The following CTPS2 variants were observed in gnomAD, a reference collection of about 807,000 sequenced individuals.
CTPS2 encodes the protein CTP synthase 2.
Under a neutral mutation model 46.8 loss-of-function variants are expected in CTPS2, and 19 were observed. The ratio of observed to expected loss-of-function variants is 0.41; its 90% CI spans 0.28 to 0.60. The LOEUF (loss-of-function observed/expected upper bound fraction) is 0.60, where lower values mean the gene tolerates loss of function less well. Among genes scored for constraint, CTPS2 ranks in the 20% least tolerant of loss-of-function variants. The pLI is 0.35. For missense variants in CTPS2, 286 were observed against 447.6 expected (o/e 0.64, Z 3.26); for synonymous variants, 151 against 165.2 (o/e 0.91, Z 0.66).
At chrX:16,638,686 G>A (rs1931887419) in intron 14 of CTPS2, 3 of 217,506 alleles carry the variant, frequency 1.4e-5, no homozygotes, top group East Asian at 1.3e-4. Context: ...AGAGAAATAC[G>A]CTTCTGAGGT....
At chrX:16,698,057 C>T (rs1478717434) in intron 4 of CTPS2, among the ~76,000 whole-genome samples, 179 bp downstream of exon 4, 1 of 111,478 alleles carries the variant, frequency 9.0e-6, no homozygotes, top group Non-Finnish European at 1.9e-5. Context: ...GCCAATCTTG[C>T]CCACTCACTT....
intron 14 of CTPS2, among the ~76,000 whole-genome samples, chrX:16,631,722 T>C (rs1234448098): frequency 9.0e-6 from 1 of 111,524 alleles, no homozygotes; most frequent in Non-Finnish European, 1.9e-5. Flanking sequence ...ATCTGGGACT[T>C]GACCAAGCAA....
chrX:16,710,408 T>C (rs1569242629), intron 1 of CTPS2, among the ~76,000 whole-genome samples: 1 of 112,526 alleles, frequency 8.9e-6, no homozygotes, highest in Non-Finnish European at 1.9e-5. Context: ...CAATAAATTA[T>C]TATGCTTCTC....
chrX:16,593,340 A>G, intron 17 of CTPS2, among the ~76,000 whole-genome samples: 1 of 106,791 alleles, frequency 9.4e-6, no homozygotes, highest in African/African-American at 3.4e-5. Context: ...GAGGCAGGAG[A>G]ATGGCGTGAA....
intron 18 of CTPS2, among the ~76,000 whole-genome samples, chrX:16,590,136 A>G (rs1031039639): frequency 8.9e-6 from 1 of 112,632 alleles, no homozygotes; most frequent in Non-Finnish European, 1.9e-5. Flanking sequence ...AGCAATGGAA[A>G]AATAAGCTGC....
intron 16 of CTPS2, among the ~76,000 whole-genome samples, chrX:16,611,514 GAAATT>G (rs763283094): frequency 1.5e-4 from 12 of 81,973 alleles, no homozygotes; most frequent in African/African-American, 6.1e-4. Flanking sequence ...AATGAAAGTT[GAAATT>G]ATTAAAAAAA....
At chrX:16,697,980 G>A (rs1924255871) in intron 4 of CTPS2, among the ~76,000 whole-genome samples, 1 of 111,387 alleles carries the variant, frequency 9.0e-6, no homozygotes, top group South Asian at 3.8e-4. Context: ...TTTATCAGCA[G>A]CTGATCAGTC....
intron 13 of CTPS2, among the ~76,000 whole-genome samples, chrX:16,666,285 C>T (rs766762241): frequency 9.0e-5 from 10 of 111,477 alleles, no homozygotes; most frequent in African/African-American, 3.3e-4. Context: ...AGGCAGAAGG[C>T]AGAGGCAGGT....
chrX:16,651,187 A>T, intron 13 of CTPS2: 8 of 280,317 alleles, frequency 2.9e-5, no homozygotes, highest in Non-Finnish European at 4.3e-5. Flanking sequence ...TGATGGTGGG[A>T]GGGGAGGGAG....
intron 15 of CTPS2, among the ~76,000 whole-genome samples, chrX:16,617,826 A>G (rs998849715): frequency 8.9e-6 from 1 of 111,860 alleles, no homozygotes; most frequent in Non-Finnish European, 1.9e-5. Flanking sequence ...TCCTTCAGTG[A>G]AAGTGCTTCC....
At chrX:16,604,304 A>C (rs1929843951) in intron 17 of CTPS2, among the ~76,000 whole-genome samples, 1 of 112,565 alleles carries the variant, frequency 8.9e-6, no homozygotes, top group Admixed American at 9.4e-5. Context: ...CATTTCTGTG[A>C]ACTGCAAACT....
intron 17 of CTPS2, 107 bp downstream of exon 17, chrX:16,609,434 A>T: frequency 1.2e-6 from 1 of 817,246 alleles, no homozygotes; most frequent in Non-Finnish European, 1.8e-6. Context: ...AAAAAAACTG[A>T]TTCTTCACAT....
intron 13 of CTPS2, among the ~76,000 whole-genome samples, chrX:16,649,151 C>A (rs1313667942): frequency 8.9e-6 from 1 of 112,234 alleles, no homozygotes; most frequent in Non-Finnish European, 1.9e-5. Context: ...GAAGTATTTC[C>A]AACTGAACAA....
chrX:16,680,395 C>T (rs1175348950), intron 9 of CTPS2, among the ~76,000 whole-genome samples: 2 of 108,589 alleles, frequency 1.8e-5, no homozygotes, highest in African/African-American at 6.7e-5. Flanking sequence ...CCTGTCTCTA[C>T]TAAAAATAAC....
chrX:16,668,533 A>C (rs781453828), intron 11 of CTPS2, among the ~76,000 whole-genome samples: 1 of 106,953 alleles, frequency 9.3e-6, no homozygotes, highest in Admixed American at 1.0e-4. Flanking sequence ...TACAGTGAGC[A>C]GAGATCGCGC....
At chrX:16,682,468 G>A (rs1922826637) in intron 9 of CTPS2, among the ~76,000 whole-genome samples, 1 of 111,969 alleles carries the variant, frequency 8.9e-6, no homozygotes, top group East Asian at 2.8e-4. Flanking sequence ...CTGGGCGGCA[G>A]AGGGAGACTG....
intron 14 of CTPS2, among the ~76,000 whole-genome samples, chrX:16,633,236 A>T (rs1453899268): frequency 9.2e-6 from 1 of 108,209 alleles, no homozygotes; most frequent in African/African-American, 3.4e-5. Flanking sequence ...GGTGTATGCC[A>T]CCACACCTGG....
intron 2 of CTPS2, among the ~76,000 whole-genome samples, chrX:16,701,578 G>A (rs760826880): frequency 1.9e-5 from 2 of 107,796 alleles, no homozygotes; most frequent in South Asian, 8.4e-4. Flanking sequence ...AAAACAGGAA[G>A]ACAGGATAGC....
chrX:16,694,641 G>A (rs747595363), intron 4 of CTPS2, among the ~76,000 whole-genome samples: 1 of 112,605 alleles, frequency 8.9e-6, no homozygotes, highest in South Asian at 3.6e-4. Context: ...GGACAGAAAG[G>A]TCCTGAAATT....
Sources: gnomAD v4.1 joint callset for allele counts (sites outside exome capture counted in the v4.1 genomes callset) on GRCh38, gnomAD v4.1.1 for gene constraint, MANE v1.5 for transcripts, NCBI Gene and HGNC (gene_info 2026-07-23, HGNC 2026-07-21) for gene names.